CACNA2D3: variants seen among roughly 807,000 people sequenced by gnomAD.
CACNA2D3 encodes calcium voltage-gated channel auxiliary subunit alpha2delta 3.
CACNA2D3 carries 60 observed loss-of-function variants against 160.6 expected under a neutral mutation model. The ratio of observed to expected loss-of-function variants is 0.37; its 90% CI spans 0.30 to 0.46. CACNA2D3 has a LOEUF of 0.46. Ranked by LOEUF, CACNA2D3 falls within the 20% of genes least tolerant of loss-of-function variation. The pLI is 1.00. For synonymous variants in CACNA2D3, 558 were observed against 492.9 expected, an observed-to-expected ratio of 1.13 and a Z score of -1.75; for missense variants, 1,205 against 1,365.0, an observed-to-expected ratio of 0.88 and a Z score of 1.85.
chr3:55,058,322 C>T (rs1380839459), intron 35 of CACNA2D3, among the ~76,000 whole-genome samples: 2 of 152,174 alleles, frequency 1.3e-5, no homozygotes, highest in East Asian at 3.8e-4. Flanking sequence ...GGCATGAATT[C>T]AGCTTTTATT....
chr3:54,262,814 A>G (rs1438919124), intron 2 of CACNA2D3, among the ~76,000 whole-genome samples: 4 of 152,186 alleles, frequency 2.6e-5, no homozygotes, highest in Admixed American at 2.6e-4. Flanking sequence ...GCCACCTCCC[A>G]GTGCTGGGAG....
At chr3:54,868,196 A>G (rs1699445896) in intron 17 of CACNA2D3, among the ~76,000 whole-genome samples, 1 of 152,094 alleles carries the variant, frequency 6.6e-6, no homozygotes, top group African/African-American at 2.4e-5. Flanking sequence ...TCCTTTTCTC[A>G]CTCAAATTAA....
chr3:54,650,202 T>TTTGTTTGTTTGG (rs1699734496), intron 11 of CACNA2D3, among the ~76,000 whole-genome samples: 1 of 9,416 alleles, frequency 1.1e-4, no homozygotes, highest in Non-Finnish European at 2.7e-3. Flanking sequence ...GTTTTTTGTT[T>TTTGTTTGTTTGG]TTGTTTGTTT....
At position 55,055,022 on chromosome 3, in the gene CACNA2D3, G is replaced by T. The variant is rs565849563; in HGVS notation, c.2988-18423G>T. On this transcript the variant is annotated intron_variant, in intron 35 of 37. Transcript: ENST00000474759. ...TACTAGTTAGAACTGATACACAGGT[G>T]TTACATTTCTGGATTTTTGAATTTT... Among the ~76,000 whole-genome samples, 17 of 152,102 alleles carry T rather than the reference G, an allele frequency of 1.1e-4. No homozygotes were observed. In the East Asian group the frequency reaches 2.7e-3, roughly 24 times the overall value.
intron 2 of CACNA2D3, among the ~76,000 whole-genome samples, chr3:54,307,231 C>A (rs1029023337): frequency 3.3e-5 from 5 of 152,124 alleles, no homozygotes; most frequent in African/African-American, 9.7e-5. Flanking sequence ...TCAGAAAAAT[C>A]ATTTGATTCT....
intron 14 of CACNA2D3, among the ~76,000 whole-genome samples, chr3:54,830,656 C>G (rs942645571): frequency 6.6e-6 from 1 of 151,990 alleles, no homozygotes; most frequent in African/African-American, 2.4e-5. Flanking sequence ...GTTTTCGCCA[C>G]GTTGGCCAAG....
chr3:54,617,704 A>C (rs912215064), intron 9 of CACNA2D3, among the ~76,000 whole-genome samples: 36 of 152,194 alleles, frequency 2.4e-4, no homozygotes, highest in African/African-American at 7.2e-5. Flanking sequence ...TTATCTGGCA[A>C]CCATAGCTCT....
intron 4 of CACNA2D3, among the ~76,000 whole-genome samples, chr3:54,471,740 A>G (rs987558873): frequency 6.6e-6 from 1 of 152,218 alleles, no homozygotes; most frequent in Non-Finnish European, 1.5e-5. Context: ...TCCCACAGAA[A>G]TATAAACTAC....
rs546305188 is a variant in CACNA2D3, at chr3:54,601,956, T to C, written c.963+20079T>C. ...GTTGCCAGTTAAAGAAAAAAAATAC[T>C]GTTTTCTTATTTGAGCCTTTGAGGA... On this transcript the variant is annotated intron_variant, in intron 9 of 37. Transcript: ENST00000474759. 4.6e-5 allele frequency among the ~76,000 whole-genome samples: 7 copies of C among 152,146 alleles called. No individual in the cohort carries two copies. The South Asian group carries it at 1.5e-3, about 32-fold the overall frequency.
At chr3:54,591,690 C>T (rs1356896) in intron 9 of CACNA2D3, among the ~76,000 whole-genome samples, 12,347 of 148,498 alleles carry the variant, frequency 0.083, 1,642 homozygotes, top group African/African-American at 0.29. Context: ...GTGAAATTAT[C>T]TGAGTCCAGG....
chr3:54,824,755 C>T (rs1703715817), intron 14 of CACNA2D3, among the ~76,000 whole-genome samples: 1 of 152,128 alleles, frequency 6.6e-6, no homozygotes. Context: ...TGCTCAGGGC[C>T]CATCCACGCC....
At chr3:54,791,040 A>AT (rs5849060) in intron 13 of CACNA2D3, among the ~76,000 whole-genome samples, 105,465 of 149,456 alleles carry the variant, frequency 0.71, 37,729 homozygotes, top group African/African-American at 0.84. Context: ...CCTTCTTTGT[A>AT]TTTTTTTTTT....
chr3:54,810,026 C>T (rs1166718812), intron 13 of CACNA2D3, among the ~76,000 whole-genome samples: 1 of 152,144 alleles, frequency 6.6e-6, no homozygotes, highest in African/African-American at 2.4e-5. Flanking sequence ...GAGATAATAA[C>T]ACCTGCCAGA....
At chr3:54,709,984 C>A (rs1000058597) in intron 11 of CACNA2D3, among the ~76,000 whole-genome samples, 10 of 152,138 alleles carry the variant, frequency 6.6e-5, no homozygotes, top group African/African-American at 1.7e-4. Flanking sequence ...TCCAAAACAA[C>A]AACAACAAAA....
rs140549343 is a variant in CACNA2D3 at position 54,630,418 on chromosome 3, T to A, written c.1053+2542T>A. ...TCCTAAGACACTATTTCCCATAGCA[T>A]GCGCAGTTTAATGCCGGCCTGCCAA... On this transcript the variant is annotated intron_variant, in intron 10 of 37. Coordinates refer to ENST00000474759, the MANE Select transcript of CACNA2D3 (RefSeq NM_018398.3). 3.6e-4 allele frequency among the ~76,000 whole-genome samples: 55 copies of A among 152,290 alleles called. No individual in the cohort carries two copies. The Middle Eastern group carries it at 0.01, about 28-fold the overall frequency.
At chr3:54,328,949 AG>A (rs1704181950) in intron 3 of CACNA2D3, among the ~76,000 whole-genome samples, 1 of 152,174 alleles carries the variant, frequency 6.6e-6, no homozygotes, top group African/African-American at 2.4e-5. Context: ...TGTGGTGCCC[AG>A]GGTGTTTCAG....
At chr3:54,368,185 G>C (rs908898581) in intron 3 of CACNA2D3, among the ~76,000 whole-genome samples, 25 of 152,254 alleles carry the variant, frequency 1.6e-4, no homozygotes, top group African/African-American at 5.8e-4. Flanking sequence ...TGAGTTACCT[G>C]TAACATTCAT....
chr3:54,960,485 AT>A (rs1389399721), intron 27 of CACNA2D3, among the ~76,000 whole-genome samples: 2 of 151,698 alleles, frequency 1.3e-5, no homozygotes, highest in African/African-American at 2.4e-5. Flanking sequence ...TGCTGTGAGA[AT>A]TTTTTTTTCT....
chr3:54,498,445 A>T (rs1446170695), intron 4 of CACNA2D3, among the ~76,000 whole-genome samples: 1 of 151,850 alleles, frequency 6.6e-6, no homozygotes, highest in Admixed American at 6.6e-5. Context: ...TTCATCCCAG[A>T]TACTGGTATT....
Sources: allele counts gnomAD v4.1 joint callset (sites outside exome capture counted in the v4.1 genomes callset), GRCh38; gene constraint gnomAD v4.1.1; transcripts MANE v1.5; gene names NCBI Gene and HGNC (gene_info 2026-07-23, HGNC 2026-07-21).